NEK11: variants seen among roughly 807,000 people sequenced by gnomAD.
NEK11 encodes NIMA related kinase 11, also known as serine/threonine-protein kinase Nek11.
NEK11 carries 72 observed loss-of-function variants against 80.7 expected under a neutral mutation model. The ratio of observed to expected loss-of-function variants is 0.89; its 90% CI spans 0.74 to 1.08. NEK11 has a LOEUF of 1.08. Among genes scored for constraint, NEK11 ranks in the 50% least tolerant of loss-of-function variants. NEK11 has a pLI of 0.00. For synonymous variants in NEK11, 251 were observed against 260.7 expected, an observed-to-expected ratio of 0.96 and a Z score of 0.36; for missense variants, 764 against 763.6, an observed-to-expected ratio of 1.00 and a Z score of -0.01.
chr3:131,322,734 A>G (rs1477813534), intron 17 of NEK11, among the ~76,000 whole-genome samples: 1 of 152,216 alleles, frequency 6.6e-6, no homozygotes, highest in Middle Eastern at 3.2e-3. Context: ...AGGCTTCAGC[A>G]GAGCATCCTT....
At chr3:131,064,937 T>C (rs1336091230) in intron 3 of NEK11, among the ~76,000 whole-genome samples, 1 of 151,902 alleles carries the variant, frequency 6.6e-6, no homozygotes, top group Non-Finnish European at 1.5e-5. Context: ...ACTTACAGAA[T>C]GAATATAAAT....
At chr3:131,304,857 T>A (rs1224551876) in intron 17 of NEK11, among the ~76,000 whole-genome samples, 1 of 152,114 alleles carries the variant, frequency 6.6e-6, no homozygotes, top group Non-Finnish European at 1.5e-5. Context: ...GCACATGCCA[T>A]CAGCTGAGAC....
At position 131,195,793 on chromosome 3, in the gene NEK11, A is replaced by AATATATATATATATAT. The variant is rs58272752; in HGVS notation, c.1399+24918_1399+24933dup. ...TATATATAAAGAATATATATTTCAG[A>AATATATATATATATAT]ATATATATATATATATATATATATA... On this transcript the variant is annotated intron_variant, in intron 14 of 17. Transcript: ENST00000383366. 8.1e-3 allele frequency among the ~76,000 whole-genome samples: 1,087 copies of AATATATATATATATAT among 133,724 alleles called. 20 individuals are homozygous for AATATATATATATATAT. Among genetic ancestry groups the AATATATATATATATAT allele is most frequent in the African/African-American group, 0.031 (985 of 32,024 alleles). 87.7% of individuals were successfully genotyped at this position (133,724 alleles called of 152,430 possible).
intron 16 of NEK11, among the ~76,000 whole-genome samples, chr3:131,259,045 C>CT (rs899785015): frequency 1.2e-4 from 18 of 152,010 alleles, no homozygotes; most frequent in Non-Finnish European, 1.9e-4. Flanking sequence ...AGATAGGATT[C>CT]TTTTTTTTGT....
intron 10 of NEK11, among the ~76,000 whole-genome samples, chr3:131,159,498 G>T (rs1412642345): frequency 6.6e-6 from 1 of 152,218 alleles, no homozygotes; most frequent in Non-Finnish European, 1.5e-5. Flanking sequence ...GGGCCCAGTG[G>T]CTCATGCCTA....
intron 14 of NEK11, among the ~76,000 whole-genome samples, chr3:131,194,552 T>G (rs1349046960): frequency 6.6e-6 from 1 of 152,076 alleles, no homozygotes; most frequent in Non-Finnish European, 1.5e-5. Context: ...GTCATTTTCA[T>G]TTTTTGAGTG....
intron 17 of NEK11, among the ~76,000 whole-genome samples, chr3:131,298,993 C>T (rs1329960908): frequency 3.4e-5 from 5 of 148,848 alleles, no homozygotes; most frequent in Non-Finnish European, 5.9e-5. Context: ...ATTAAGACAT[C>T]CTCAAGCTCA....
chr3:131,306,165 T>C (rs2109306569), intron 17 of NEK11, among the ~76,000 whole-genome samples: 1 of 152,334 alleles, frequency 6.6e-6, no homozygotes. Context: ...GTTAGCATAA[T>C]CATAGTTGTT....
intron 14 of NEK11, among the ~76,000 whole-genome samples, chr3:131,212,100 T>C (rs1400570320): frequency 2.0e-5 from 3 of 152,164 alleles, no homozygotes; most frequent in Non-Finnish European, 2.9e-5. Context: ...ATCTTTGTGG[T>C]TTTATCTACC....
intron 14 of NEK11, among the ~76,000 whole-genome samples, chr3:131,188,388 A>T (rs967668060): frequency 1.3e-5 from 2 of 152,192 alleles, no homozygotes; most frequent in African/African-American, 4.8e-5. Context: ...CTTTTGCACT[A>T]ACCTAGTATA....
chr3:131,245,659 T>A (rs541976819), intron 16 of NEK11, among the ~76,000 whole-genome samples: 3 of 152,292 alleles, frequency 2.0e-5, no homozygotes, highest in South Asian at 4.1e-4. Context: ...AGATACCTTC[T>A]TGTGGTTTTA....
In NEK11 at chr3:131,035,602, A is replaced by G. The variant is rs552974403; in HGVS notation, c.170+5724A>G. Among the ~76,000 whole-genome samples, 3 of 152,248 alleles carry G rather than the reference A, an allele frequency of 2.0e-5. No homozygotes were observed. The South Asian group carries it at 6.2e-4, about 32-fold the overall frequency. On this transcript the variant is annotated intron_variant, in intron 3 of 17. Transcript: ENST00000383366. The stretch of plus-strand genomic sequence containing the variant: ...CCAGAGATGGTCAGTCTTGGAGAGG[A>G]GCTTATATTAACTAAATCAAGACAA...
rs560805739 is a variant in NEK11, at chr3:131,207,284, CA to C, written c.1400-21243del. Among the ~76,000 whole-genome samples, 535 of 152,294 alleles carry C rather than the reference CA, an allele frequency of 3.5e-3. 3 individuals carry two copies. The highest frequency in any genetic ancestry group is 6.0e-3 in the Non-Finnish European group (408 of 68,026). ...TTGAACTAGTTTACAGTCCCACCAA[CA>C]GTGTAAAAGTGTTCCTGGCTGGGCA... is the stretch of plus-strand genomic sequence containing the variant. On this transcript the variant is annotated intron_variant, in intron 14 of 17. Transcript: ENST00000383366.
intron 17 of NEK11, among the ~76,000 whole-genome samples, chr3:131,285,337 C>T (rs1043938403): frequency 6.6e-6 from 1 of 152,202 alleles, no homozygotes; most frequent in Non-Finnish European, 1.5e-5. Flanking sequence ...GCCTGGTCAA[C>T]AGCACAGGGT....
At chr3:131,080,935 T>C (rs1158793970) in intron 4 of NEK11, among the ~76,000 whole-genome samples, 2 of 151,924 alleles carry the variant, frequency 1.3e-5, no homozygotes, top group Non-Finnish European at 1.5e-5. Context: ...TAGTAAGACC[T>C]CCATCTCTAC....
At chr3:131,338,214 C>T (rs1333299806) in intron 17 of NEK11, among the ~76,000 whole-genome samples, 1 of 150,662 alleles carries the variant, frequency 6.6e-6, no homozygotes, top group Non-Finnish European at 1.5e-5. Context: ...ATCCACTGGC[C>T]TCGGCCTCCC....
chr3:131,135,213 G>A (rs1176379696), intron 7 of NEK11, among the ~76,000 whole-genome samples: 1 of 152,068 alleles, frequency 6.6e-6, no homozygotes, highest in African/African-American at 2.4e-5. Flanking sequence ...ATTAGGTCTG[G>A]GTATGGCAAT....
At chr3:131,223,799 A>G (rs1177916696) in intron 14 of NEK11, among the ~76,000 whole-genome samples, 1 of 152,202 alleles carries the variant, frequency 6.6e-6, no homozygotes, top group Admixed American at 6.5e-5. Context: ...GGAGGTGAAC[A>G]GTGTGGTGAA....
intron 17 of NEK11, among the ~76,000 whole-genome samples, chr3:131,331,458 T>C (rs1021784221): frequency 4.6e-4 from 70 of 152,310 alleles, no homozygotes; most frequent in Admixed American, 1.8e-3. Context: ...TTAATAGATA[T>C]TAAAAATCAG....
Sources: allele counts gnomAD v4.1 joint callset (sites outside exome capture counted in the v4.1 genomes callset), GRCh38; gene constraint gnomAD v4.1.1; transcripts MANE v1.5; gene names NCBI Gene and HGNC (gene_info 2026-07-23, HGNC 2026-07-21).